The following FAM53A variants were observed in gnomAD, a reference collection of about 807,000 sequenced individuals.
FAM53A encodes the protein protein FAM53A.
In FAM53A, 28 loss-of-function variants were observed where a neutral mutation model predicts 26.6. The observed-to-expected ratio is 1.05, with a 90% CI of 0.78 to 1.45. FAM53A has a LOEUF of 1.45. Among genes scored for constraint, FAM53A ranks in the 40% most tolerant of loss-of-function variants. The pLI is 0.00. For synonymous variants in FAM53A, 290 were observed against 253.1 expected, an observed-to-expected ratio of 1.15 and a Z score of -1.38; for missense variants, 650 against 575.8, an observed-to-expected ratio of 1.13 and a Z score of -1.32.
At chr4:1,661,355 T>C (rs1713819768) in intron 2 of FAM53A, among the ~76,000 whole-genome samples, 2 of 152,084 alleles carry the variant, frequency 1.3e-5, no homozygotes, top group South Asian at 2.1e-4. Context: ...CAGCACCCCT[T>C]GGGCTCTACT....
At chr4:1,656,519 G>A (rs936586068) in intron 3 of FAM53A, among the ~76,000 whole-genome samples, 6 of 152,136 alleles carry the variant, frequency 3.9e-5, no homozygotes, top group African/African-American at 1.2e-4. Context: ...GGGAGGAGAC[G>A]TGGAGGTGTA....
At chr4:1,670,777 G>A (rs1714580582) in intron 1 of FAM53A, among the ~76,000 whole-genome samples, 1 of 152,182 alleles carries the variant, frequency 6.6e-6, no homozygotes, top group Non-Finnish European at 1.5e-5. Context: ...AAACTAAGGA[G>A]CACAAATCAG....
the FAM53A span, among the ~76,000 whole-genome samples, chr4:1,589,288 G>T: frequency 1.3e-5 from 2 of 152,148 alleles, no homozygotes; most frequent in African/African-American, 4.8e-5. Context: ...CATGTCAATA[G>T]ATTTTTCTGA....
chr4:1,591,822 C>A, the FAM53A span, among the ~76,000 whole-genome samples: 1 of 152,196 alleles, frequency 6.6e-6, no homozygotes, highest in South Asian at 2.1e-4. Flanking sequence ...CAGGAGGTCA[C>A]CCTCCAGGGC....
intron 2 of FAM53A, among the ~76,000 whole-genome samples, chr4:1,658,842 G>A (rs934109787): frequency 6.6e-6 from 1 of 152,212 alleles, no homozygotes; most frequent in Admixed American, 6.5e-5. Context: ...GAGCTTCCTC[G>A]TCTGTGAGAA....
At chr4:1,587,131 C>T in the FAM53A span, among the ~76,000 whole-genome samples, 8 of 152,186 alleles carry the variant, frequency 5.3e-5, no homozygotes, top group African/African-American at 1.9e-4. Context: ...AGTATATTTT[C>T]GATATGAACC....
At chr4:1,595,331 G>A in the FAM53A span, among the ~76,000 whole-genome samples, 12 of 152,246 alleles carry the variant, frequency 7.9e-5, no homozygotes, top group Admixed American at 6.5e-4. Context: ...CCATTGGACA[G>A]TGGCCAGGAC....
the FAM53A span, among the ~76,000 whole-genome samples, chr4:1,578,782 G>T: frequency 8.7e-3 from 1,008 of 115,894 alleles, 30 homozygotes; most frequent in African/African-American, 0.032. Flanking sequence ...GGAGGGGAGA[G>T]AAGAGGGGGA....
At chr4:1,592,934 C>T in the FAM53A span, among the ~76,000 whole-genome samples, 1 of 152,136 alleles carries the variant, frequency 6.6e-6, no homozygotes, top group Admixed American at 6.5e-5. Context: ...GGCCCGGGGC[C>T]GCTCACACCC....
At chr4:1,592,802 C>T in the FAM53A span, among the ~76,000 whole-genome samples, 1 of 152,140 alleles carries the variant, frequency 6.6e-6, no homozygotes, top group Non-Finnish European at 1.5e-5. Flanking sequence ...GGAGAGGCGG[C>T]CGCGGGGGCG....
chr4:1,665,927 C>A (rs1000909001), intron 2 of FAM53A, among the ~76,000 whole-genome samples: 1 of 150,466 alleles, frequency 6.6e-6, no homozygotes, highest in Non-Finnish European at 1.5e-5. Flanking sequence ...GCACCTGCAC[C>A]CCCTGTATCT....
rs1467256968 is a variant in FAM53A, at chr4:1,655,625, C to T, written c.235G>A (p.Ala79Thr). The stretch of plus-strand genomic sequence containing the variant: ...TGCCACTGAAGACCCATGGTGTGAG[C>T]GGCAGCAGACAGGCCCGGCAGGAAG... ...FSFLPGLSAA[A>T]HTMGLQWQPQ... Residue 79 changes from alanine (A) to threonine (T), a missense_variant, in exon 4 of 5, where the codon GCT (alanine) becomes ACT (threonine). By Grantham distance (58) the Ala-to-Thr change is moderately conservative (BLOSUM62 0). Transcript: ENST00000308132. 18 of 1,593,456 alleles carry T rather than the reference C, an allele frequency of 1.1e-5. No homozygotes were observed. The highest frequency in any genetic ancestry group is 1.8e-5 in the Admixed American group (1 of 57,142).
At chr4:1,653,776 G>T (rs1201366874) in intron 4 of FAM53A, among the ~76,000 whole-genome samples, 1 of 152,226 alleles carries the variant, frequency 6.6e-6, no homozygotes, top group Non-Finnish European at 1.5e-5. Context: ...GGTGCCCTCA[G>T]CGTGGCCTAG....
rs1245077175 is a variant in FAM53A at position 1,659,379 on chromosome 4, G to A, written c.76-1911C>T. On this transcript the variant is annotated intron_variant, in intron 2 of 4. Coordinates refer to ENST00000308132, the MANE Select transcript of FAM53A (RefSeq NM_001174070.3). This position sits in a 1 kb window ranked among gnomAD's most constrained non-coding sequence, Gnocchi z 5.2. Reference sequence around the variant, plus strand: ...CAGGACCTCGCTCTCCTCCTGTTCCGCACAGCACCCGTTCCCCGGGGCCAC... The same window carrying A: ...CAGGACCTCGCTCTCCTCCTGTTCCACACAGCACCCGTTCCCCGGGGCCAC... 2.0e-5 allele frequency among the ~76,000 whole-genome samples: 3 copies of A among 152,230 alleles called. No homozygotes were observed. The highest frequency in any genetic ancestry group is 4.4e-5 in the Non-Finnish European group (3 of 68,042).
chr4:1,609,218 TCAGAAA>T, the FAM53A span, among the ~76,000 whole-genome samples: 3 of 151,842 alleles, frequency 2.0e-5, no homozygotes, highest in Admixed American at 2.0e-4. Flanking sequence ...TCCCCCACTC[TCAGAAA>T]CAGAGTCCGG....
At chr4:1,663,840 TAAAAA>T in intron 2 of FAM53A, among the ~76,000 whole-genome samples, 1 of 136,398 alleles carries the variant, frequency 7.3e-6, no homozygotes. Flanking sequence ...ACCCTGTCTT[TAAAAA>T]AAAAAAAAAA....
In FAM53A at chr4:1,650,410, TTGAC is replaced by T. The variant is rs386627365; in HGVS notation, c.882+4564_882+4567del. On this transcript the variant is annotated intron_variant, in intron 4 of 4. Transcript: ENST00000308132. ...TTGTGAGGTGGCATAGGCGTGGTGT[TTGAC>T]TGTGAGGTGGCACAGGTGTGGTGTT... Among the ~76,000 whole-genome samples, 73 of 146,670 alleles carry T rather than the reference TTGAC, an allele frequency of 5.0e-4. No individual in the cohort carries two copies. The East Asian group carries it at 0.011, about 22-fold the overall frequency.
At chr4:1,679,406 A>AG in intron 1 of FAM53A, among the ~76,000 whole-genome samples, 1 of 149,330 alleles carries the variant, frequency 6.7e-6, no homozygotes, top group Non-Finnish European at 1.5e-5. Flanking sequence ...AAAAAAAAAA[A>AG]GGCCAGGTGC....
At chr4:1,605,156 C>T in the FAM53A span, among the ~76,000 whole-genome samples, 595 of 152,336 alleles carry the variant, frequency 3.9e-3, 4 homozygotes, top group South Asian at 8.1e-3. This position sits in a 1 kb window ranked among gnomAD's most constrained non-coding sequence, Gnocchi z 5.7. Flanking sequence ...GGCAATTTCA[C>T]GATGCCCACG....
Sources: gnomAD v4.1 joint callset for allele counts (sites outside exome capture counted in the v4.1 genomes callset) on GRCh38, gnomAD v4.1.1 for gene constraint, Gnocchi (gnomAD v3.1) non-coding constraint, MANE v1.5 for transcripts, NCBI Gene and HGNC (gene_info 2026-07-23, HGNC 2026-07-21) for gene names.